The following PPM1L variants were observed in gnomAD, a reference collection of about 807,000 sequenced individuals.
PPM1L encodes protein phosphatase, Mg2+/Mn2+ dependent 1L.
PPM1L carries 13 observed loss-of-function variants against 31.4 expected under a neutral mutation model. The ratio of observed to expected loss-of-function variants is 0.41; its 90% CI spans 0.27 to 0.66. PPM1L has a LOEUF of 0.66. Among genes scored for constraint, PPM1L ranks in the 30% least tolerant of loss-of-function variants. The probability of loss-of-function intolerance (pLI) is 0.29; values close to 1 mark genes in which losing one functional copy is unlikely to be tolerated. For synonymous variants in PPM1L, 184 were observed against 175.4 expected (o/e 1.05, Z -0.39); for missense variants, 326 against 453.7 (o/e 0.72, Z 2.56).
intron 2 of PPM1L, among the ~76,000 whole-genome samples, chr3:161,051,403 C>CACACACACACACACAA (rs1491153188): frequency 1.4e-5 from 2 of 147,934 alleles, no homozygotes; most frequent in African/African-American, 5.0e-5. Flanking sequence ...CACACACACA[C>CACACACACACACACAA]AACCATCCTG....
At chr3:160,917,455 ACG>A (rs1334493426) in intron 1 of PPM1L, among the ~76,000 whole-genome samples, 7 of 152,226 alleles carry the variant, frequency 4.6e-5, no homozygotes, top group African/African-American at 1.7e-4. Flanking sequence ...AAATCAGTGT[ACG>A]GTAAGCAAAG....
At chr3:161,017,211 G>A (rs1576785859) in intron 2 of PPM1L, among the ~76,000 whole-genome samples, 1 of 152,126 alleles carries the variant, frequency 6.6e-6, no homozygotes, top group Admixed American at 6.5e-5. Context: ...TCTCCCAAAT[G>A]ATCTCAAACT....
At chr3:160,795,078 T>C (rs1440568972) in intron 1 of PPM1L, among the ~76,000 whole-genome samples, 1 of 152,106 alleles carries the variant, frequency 6.6e-6, no homozygotes, top group Admixed American at 6.5e-5. Flanking sequence ...GAATAAGATT[T>C]CCAGGAAGGA....
intron 1 of PPM1L, among the ~76,000 whole-genome samples, chr3:160,930,475 A>T (rs948041012): frequency 1.3e-5 from 2 of 152,194 alleles, no homozygotes; most frequent in East Asian, 3.8e-4. Context: ...TTTATTACTT[A>T]GTTGAGGTAG....
chr3:161,002,751 T>G (rs1717542645), intron 2 of PPM1L, among the ~76,000 whole-genome samples: 1 of 143,716 alleles, frequency 7.0e-6, no homozygotes, highest in Non-Finnish European at 1.5e-5. Flanking sequence ...CTTTGTCAGA[T>G]GAGTAGGTTG....
chr3:160,898,685 G>A (rs542183129), intron 1 of PPM1L, among the ~76,000 whole-genome samples: 2 of 152,272 alleles, frequency 1.3e-5, no homozygotes, highest in South Asian at 4.2e-4. Context: ...AGATTCTGAC[G>A]ATAAAGTTCT....
chr3:160,772,199 A>C (rs530086046), intron 1 of PPM1L, among the ~76,000 whole-genome samples: 1 of 152,344 alleles, frequency 6.6e-6, no homozygotes, highest in East Asian at 1.9e-4. Flanking sequence ...ATACCTTCAT[A>C]TTAGAGCCAC....
chr3:160,894,824 T>C (rs1713279490), intron 1 of PPM1L, among the ~76,000 whole-genome samples: 1 of 152,226 alleles, frequency 6.6e-6, no homozygotes, highest in African/African-American at 2.4e-5. Flanking sequence ...TAATTTCCCA[T>C]AATCAAACAT....
At chr3:161,029,698 A>G (rs929565930) in intron 2 of PPM1L, among the ~76,000 whole-genome samples, 4 of 152,130 alleles carry the variant, frequency 2.6e-5, no homozygotes, top group South Asian at 2.1e-4. Context: ...GCTCATTTTT[A>G]TACATACTAC....
At position 160,849,107 on chromosome 3, in the gene PPM1L, G is replaced by A. The variant is rs556649215; in HGVS notation, c.399+92400G>A. Among the ~76,000 whole-genome samples the A allele has an allele frequency of 6.1e-4, 93 of 152,206 alleles. 1 individual carries two copies. Among genetic ancestry groups the A allele is most frequent in the Non-Finnish European group, 1.8e-4 (12 of 68,014 alleles). On this transcript the variant is annotated intron_variant, in intron 1 of 3. Transcript: ENST00000498165. ...AATCCAGGACTTGTCAGTTATATGG[G>A]CATATATTAAACATTAAATAATTGG...
chr3:160,854,729 AC>A (rs1436266530), intron 1 of PPM1L, among the ~76,000 whole-genome samples: 4 of 152,182 alleles, frequency 2.6e-5, no homozygotes, highest in African/African-American at 9.7e-5. Context: ...AATGAAAAAA[AC>A]ATTCCATGCT....
At chr3:160,812,768 G>A (rs1198028383) in intron 1 of PPM1L, among the ~76,000 whole-genome samples, 2 of 152,296 alleles carry the variant, frequency 1.3e-5, no homozygotes, top group Middle Eastern at 3.4e-3. Flanking sequence ...CAGGGAGGGG[G>A]GCAGCTGGCC....
At chr3:160,815,298 T>A (rs564846090) in intron 1 of PPM1L, among the ~76,000 whole-genome samples, 2 of 152,348 alleles carry the variant, frequency 1.3e-5, no homozygotes, top group South Asian at 2.1e-4. Flanking sequence ...TACGAGGCTA[T>A]ATTTAATTCT....
intron 1 of PPM1L, among the ~76,000 whole-genome samples, chr3:160,817,019 A>G (rs1286022893): frequency 6.6e-6 from 1 of 152,122 alleles, no homozygotes; most frequent in African/African-American, 2.4e-5. Context: ...GAATGTGGAA[A>G]AGACAATGAG....
chr3:160,874,438 C>A (rs1420154405), intron 1 of PPM1L, among the ~76,000 whole-genome samples: 1 of 152,144 alleles, frequency 6.6e-6, no homozygotes, highest in Non-Finnish European at 1.5e-5. Context: ...TTTCTGTATC[C>A]TTCAAATATA....
chr3:160,835,071 T>TTCTTCTTCTTCTTCTTC (rs1560120566), intron 1 of PPM1L, among the ~76,000 whole-genome samples: 3 of 149,908 alleles, frequency 2.0e-5, no homozygotes, highest in Non-Finnish European at 4.4e-5. Flanking sequence ...CTTCTTCTTC[T>TTCTTCTTCTTCTTCTTC]TCTTCTTCTT....
chr3:160,801,163 AC>A lies in PPM1L; in HGVS notation c.399+44457del, dbSNP rs374853175. Among the ~76,000 whole-genome samples, 7 of 146,084 alleles carry A rather than the reference AC, an allele frequency of 4.8e-5. No individual in the cohort carries two copies. The East Asian group carries it at 1.5e-3, about 30-fold the overall frequency. On this transcript the variant is annotated intron_variant, in intron 1 of 3. Transcript: ENST00000498165. Reference sequence around the variant, plus strand: ...CACACACACACACACACACACACACACACGGGAATTTTTTGCCCTTTAATAT... The same window carrying A: ...CACACACACACACACACACACACACAACGGGAATTTTTTGCCCTTTAATAT...
At chr3:160,993,425 C>T (rs1717199926) in intron 2 of PPM1L, among the ~76,000 whole-genome samples, 1 of 152,118 alleles carries the variant, frequency 6.6e-6, no homozygotes, top group Admixed American at 6.5e-5. Flanking sequence ...AACATGGGAG[C>T]TGAACTACAA....
At chr3:160,823,874 C>G (rs1713277686) in intron 1 of PPM1L, among the ~76,000 whole-genome samples, 1 of 152,102 alleles carries the variant, frequency 6.6e-6, no homozygotes, top group East Asian at 1.9e-4. Flanking sequence ...GACAAGAATG[C>G]TGTTCAGTAT....
Sources: allele counts gnomAD v4.1 joint callset (sites outside exome capture counted in the v4.1 genomes callset), GRCh38; gene constraint gnomAD v4.1.1; transcripts MANE v1.5; gene names NCBI Gene and HGNC (gene_info 2026-07-23, HGNC 2026-07-21).